Variants in TBCD observed in about 807,000 individuals in gnomAD.
TBCD encodes the protein tubulin-specific chaperone D.
Under a neutral mutation model 169.3 loss-of-function variants are expected in TBCD, and 105 were observed. The observed-to-expected ratio is 0.62, with a 90% CI of 0.53 to 0.73. TBCD has a LOEUF of 0.73. TBCD is among the 30% of genes least tolerant of loss of function. TBCD has a pLI of 0.00. For missense variants in TBCD, 1,444 were observed against 1,600.1 expected, an observed-to-expected ratio of 0.90 and a Z score of 1.66; for synonymous variants, 700 against 643.9, an observed-to-expected ratio of 1.09 and a Z score of -1.32.
chr17:82,870,410 G>T (rs183608851), intron 14 of TBCD, 30 bp downstream of exon 14: 1 of 1,604,418 alleles, frequency 6.2e-7, no homozygotes, highest in East Asian at 2.2e-5. Flanking sequence ...TACATCGGAT[G>T]CGCCGTGCCC....
intron 16 of TBCD, among the ~76,000 whole-genome samples, chr17:82,892,508 G>C (rs918676846): frequency 1.3e-5 from 2 of 152,158 alleles, no homozygotes; most frequent in African/African-American, 4.8e-5. Context: ...AAGCCGCATG[G>C]TACCTGCTCA....
intron 14 of TBCD, among the ~76,000 whole-genome samples, chr17:82,877,142 A>C (rs531067306): frequency 6.6e-5 from 10 of 152,366 alleles, no homozygotes; most frequent in African/African-American, 2.2e-4. Context: ...GCCGGCGGCA[A>C]TAAAGATAGA....
At chr17:82,854,894 C>A (rs1023484822) in intron 13 of TBCD, among the ~76,000 whole-genome samples, 3 of 152,240 alleles carry the variant, frequency 2.0e-5, no homozygotes, top group Admixed American at 1.3e-4. Flanking sequence ...AAGCAAAGCT[C>A]TGTGTAAAGG....
rs1418697201 is a variant in TBCD at position 82,889,849 on chromosome 17, A to G, written c.1563+152A>G. On this transcript the variant is annotated intron_variant, in intron 16 of 38. Coordinates refer to ENST00000355528, the MANE Select transcript of TBCD (RefSeq NM_005993.5). The surrounding 1 kb of genome is among the most constrained non-coding windows in gnomAD (Gnocchi z 5.3). ...GTCATGAGTTCACTATAGGACGCAC[A>G]TGTTAAACAGCGAGTCCTGTTTCAC... Among the ~76,000 whole-genome samples, 2 of 152,276 alleles carry G rather than the reference A, an allele frequency of 1.3e-5. No homozygotes were observed. The highest frequency in any genetic ancestry group is 4.8e-5 in the African/African-American group (2 of 41,476).
chr17:82,812,060 C>T (rs1439163257), intron 12 of TBCD, among the ~76,000 whole-genome samples: 1 of 152,128 alleles, frequency 6.6e-6, no homozygotes, highest in Non-Finnish European at 1.5e-5. Context: ...CTGGGGCCCC[C>T]TCCTGACTCC....
chr17:82,857,343 T>G (rs1168817217), intron 13 of TBCD, among the ~76,000 whole-genome samples: 1 of 152,264 alleles, frequency 6.6e-6, no homozygotes, highest in Non-Finnish European at 1.5e-5. Flanking sequence ...AAGCTGTTTG[T>G]ATCTTCTGGA....
intron 37 of TBCD, among the ~76,000 whole-genome samples, chr17:82,941,032 C>T (rs893251340): frequency 6.6e-6 from 1 of 152,250 alleles, no homozygotes; most frequent in Non-Finnish European, 1.5e-5. Flanking sequence ...GATATCTCCA[C>T]AGCATTGCTA....
chr17:82,865,739 G>T (rs1000103685), intron 13 of TBCD, among the ~76,000 whole-genome samples: 3 of 152,192 alleles, frequency 2.0e-5, no homozygotes, highest in Non-Finnish European at 4.4e-5. Flanking sequence ...ATTTTTTGTG[G>T]AGGGATTATT....
In TBCD at chr17:82,831,192, C is replaced by T; in HGVS notation, c.1318+16258C>T. ...GGCCTTCGCAGGTCTGGCTCGTCTG[C>T]ATGAAGTCGGTGGGGCTCGGCCTCC... On this transcript the variant is annotated intron_variant, in intron 13 of 38. Transcript: ENST00000355528. This position sits in a 1 kb window ranked among gnomAD's most constrained non-coding sequence, Gnocchi z 4.6. 6.2e-7 allele frequency: 1 copy of T among 1,614,172 alleles called. No individual in the cohort carries two copies. Among genetic ancestry groups the T allele is most frequent in the South Asian group, 1.1e-5 (1 of 91,080 alleles).
chr17:82,790,600 G>C lies in TBCD; in HGVS notation c.772-7157G>C, dbSNP rs953063492. Among the ~76,000 whole-genome samples the C allele has an allele frequency of 2.0e-5, 3 of 152,224 alleles. No homozygotes were observed. In the South Asian group the frequency reaches 6.2e-4, roughly 32 times the overall value. ...TCATGCTTGTTTCTGCCCTGGCAGA[G>C]CTGCTCAGTGGCCAGCCCGTGGGAC... is the stretch of plus-strand genomic sequence containing the variant. On this transcript the variant is annotated intron_variant, in intron 7 of 38. Transcript: ENST00000355528.
intron 11 of TBCD, among the ~76,000 whole-genome samples, chr17:82,808,933 G>T (rs1041164752): frequency 4.6e-5 from 7 of 151,416 alleles, no homozygotes; most frequent in African/African-American, 1.7e-4. Context: ...AGGTGCAGGG[G>T]CTGGCAGGTG....
At chr17:82,791,155 G>T (rs2049699348) in intron 7 of TBCD, among the ~76,000 whole-genome samples, 1 of 148,212 alleles carries the variant, frequency 6.7e-6, no homozygotes, top group African/African-American at 2.5e-5. Flanking sequence ...GCAGTGGCGC[G>T]ATCTCGGCTC....
rs376791455 is a variant in TBCD at position 82,928,116 on chromosome 17, G to C, written c.2693+128G>C. 4.2e-5 allele frequency: 34 copies of C among 806,906 alleles called. No individual in the cohort carries two copies. In the African/African-American group the frequency reaches 5.4e-4, roughly 13 times the overall value. 50.0% of individuals were successfully genotyped at this position (806,906 alleles called of 1,614,324 possible). On this transcript the variant is annotated intron_variant, in intron 30 of 38. Transcript: ENST00000355528. Reference sequence around the variant, plus strand: ...TGGGCACACACCCTCCTCCCAGAGAGCCTCTCTGGTCCCTGACCCCAGGTT... The same window carrying C: ...TGGGCACACACCCTCCTCCCAGAGACCCTCTCTGGTCCCTGACCCCAGGTT...
chr17:82,792,308 CAAAA>C (rs79198926), intron 7 of TBCD, among the ~76,000 whole-genome samples: 1 of 119,030 alleles, frequency 8.4e-6, no homozygotes, highest in African/African-American at 3.4e-5. Context: ...ACTCCGTCTC[CAAAA>C]AAAAAAAAAA....
intron 4 of TBCD, among the ~76,000 whole-genome samples, chr17:82,766,855 C>T (rs1171313376): frequency 3.3e-5 from 5 of 152,202 alleles, no homozygotes; most frequent in Non-Finnish European, 7.3e-5. Context: ...CAGTTGGGTC[C>T]CACAGGGCCT....
intron 34 of TBCD, among the ~76,000 whole-genome samples, chr17:82,935,699 C>T (rs1467233370): frequency 1.3e-5 from 2 of 152,332 alleles, no homozygotes; most frequent in South Asian, 2.1e-4. Flanking sequence ...GTGCTTCCGT[C>T]TTGAGTTATG....
At position 82,923,818 on chromosome 17, in the gene TBCD, G is replaced by A. The variant is rs1369299067; in HGVS notation, c.2260+85G>A. 1.0e-5 allele frequency: 12 copies of A among 1,159,690 alleles called. No homozygotes were observed. Among genetic ancestry groups the A allele is most frequent in the Admixed American group, 5.0e-5 (2 of 40,176 alleles). 71.8% of individuals were successfully genotyped at this position (1,159,690 alleles called of 1,614,324 possible). ...AGTGTCTGGGCACGGAGGAGGCCTC[G>A]GTTGTGCAGTGGAGCAGAGCCACCA... On this transcript the variant is annotated intron_variant, in intron 26 of 38. Transcript: ENST00000355528. This position sits in a 1 kb window ranked among gnomAD's most constrained non-coding sequence, Gnocchi z 4.6.
chr17:82,798,671 C>G (rs1945272421), intron 8 of TBCD, among the ~76,000 whole-genome samples: 1 of 152,208 alleles, frequency 6.6e-6, no homozygotes, highest in African/African-American at 2.4e-5. Flanking sequence ...TGAGGTTGGA[C>G]CTGGCTTCTT....
At chr17:82,754,208 GT>G in intron 1 of TBCD, among the ~76,000 whole-genome samples, 1 of 152,076 alleles carries the variant, frequency 6.6e-6, no homozygotes, top group Non-Finnish European at 1.5e-5. Context: ...GAGGGCCAGG[GT>G]TTTTTAGAGG....
Sources: gnomAD v4.1 joint callset for allele counts (sites outside exome capture counted in the v4.1 genomes callset) on GRCh38, gnomAD v4.1.1 for gene constraint, Gnocchi (gnomAD v3.1) non-coding constraint, MANE v1.5 for transcripts, NCBI Gene and HGNC (gene_info 2026-07-23, HGNC 2026-07-21) for gene names.